Variants in COL19A1 observed in about 807,000 individuals in gnomAD.
COL19A1 encodes the protein collagen alpha-1(XIX) chain.
A neutral mutation model predicts 190.2 loss-of-function variants in COL19A1; 159 were observed. The observed-to-expected ratio is 0.84, with a 90% CI of 0.73 to 0.95. The LOEUF (loss-of-function observed/expected upper bound fraction) is 0.95. COL19A1 is among the 40% of genes least tolerant of loss of function. The pLI is 0.00. For synonymous variants in COL19A1, 509 were observed against 458.9 expected (o/e 1.11, Z -1.39); for missense variants, 1,418 against 1,431.9 (o/e 0.99, Z 0.16).
intron 15 of COL19A1, among the ~76,000 whole-genome samples, chr6:70,082,122 G>A (rs1278994932): frequency 6.6e-6 from 1 of 152,118 alleles, no homozygotes; most frequent in Non-Finnish European, 1.5e-5. Flanking sequence ...AAAAGAAGAT[G>A]CATATATAGG....
intron 16 of COL19A1, among the ~76,000 whole-genome samples, chr6:70,105,262 A>G (rs1310635158): frequency 6.6e-6 from 1 of 152,150 alleles, no homozygotes; most frequent in Admixed American, 6.6e-5. Flanking sequence ...GATTCAAGCA[A>G]TTCTCCAGCC....
intron 48 of COL19A1, among the ~76,000 whole-genome samples, chr6:70,197,991 T>G (rs1170330837): frequency 6.6e-6 from 1 of 152,254 alleles, no homozygotes. Context: ...TAAATGATTG[T>G]TTTAATTGAA....
intron 34 of COL19A1, among the ~76,000 whole-genome samples, chr6:70,160,917 A>C (rs1787755315): frequency 6.6e-6 from 1 of 152,162 alleles, no homozygotes; most frequent in Non-Finnish European, 1.5e-5. Context: ...CATGATTTTA[A>C]TAATTGCAAA....
rs199894963 is a variant in COL19A1 at position 70,162,003 on chromosome 6, G to C, written c.2346+50G>C. The C allele has an allele frequency of 2.1e-5, 31 of 1,495,754 alleles. No homozygotes were observed. The East Asian group carries it at 6.9e-4, about 33-fold the overall frequency. 92.7% of individuals were successfully genotyped at this position (1,495,754 alleles called of 1,614,324 possible). On this transcript the variant is annotated intron_variant, in intron 35 of 50. Coordinates refer to ENST00000620364, the MANE Select transcript of COL19A1 (RefSeq NM_001858.6). ...ACTCACAGCTTATATCTGCTGGTTT[G>C]ATGCAAGGTGAATTAATTTTCTTCA... is the stretch of plus-strand genomic sequence containing the variant.
chr6:69,995,758 C>T (rs1324084096), intron 11 of COL19A1, among the ~76,000 whole-genome samples: 1 of 151,888 alleles, frequency 6.6e-6, no homozygotes, highest in Non-Finnish European at 1.5e-5. Context: ...AAATATGAAC[C>T]AAGTTAAATG....
intron 16 of COL19A1, among the ~76,000 whole-genome samples, chr6:70,110,543 G>A (rs1273589728): frequency 6.6e-6 from 1 of 152,108 alleles, no homozygotes; most frequent in African/African-American, 2.4e-5. Context: ...TCCCTCATGG[G>A]GGTAATGGTC....
At position 70,031,669 on chromosome 6, in the gene COL19A1, G is replaced by A. The variant is rs80039519; in HGVS notation, c.1081-2576G>A. 2.4e-3 allele frequency among the ~76,000 whole-genome samples: 361 copies of A among 152,144 alleles called. 5 individuals carry two copies. The East Asian group carries it at 0.039, about 16-fold the overall frequency. ...TTTTCTTATGGCTTAATAGTACTCC[G>A]TTGTGTATATATAACACCTTTTCTT... On this transcript the variant is annotated intron_variant, in intron 12 of 50. Transcript: ENST00000620364.
intron 15 of COL19A1, among the ~76,000 whole-genome samples, chr6:70,090,199 A>G (rs550347434): frequency 2.0e-5 from 3 of 152,046 alleles, no homozygotes; most frequent in South Asian, 2.1e-4. Flanking sequence ...AGATTTGCAC[A>G]TGGAAATGGA....
intron 4 of COL19A1, among the ~76,000 whole-genome samples, chr6:69,901,921 G>A (rs935132784): frequency 3.9e-5 from 6 of 152,186 alleles, no homozygotes; most frequent in Non-Finnish European, 8.8e-5. Context: ...AACTTGCTGC[G>A]ACATTTAGAC....
intron 41 of COL19A1, among the ~76,000 whole-genome samples, chr6:70,174,732 A>G (rs960897323): frequency 2.6e-5 from 4 of 152,174 alleles, no homozygotes; most frequent in Non-Finnish European, 4.4e-5. Flanking sequence ...TGGTATACAC[A>G]AGGGAATGAT....
intron 42 of COL19A1, among the ~76,000 whole-genome samples, chr6:70,178,026 G>A (rs1478640927): frequency 6.6e-6 from 1 of 152,198 alleles, no homozygotes. Context: ...GGGCTAGCCT[G>A]CCACTTAGTT....
chr6:69,872,244 A>G (rs185436435), intron 1 of COL19A1, among the ~76,000 whole-genome samples: 1 of 152,266 alleles, frequency 6.6e-6, no homozygotes, highest in East Asian at 1.9e-4. Flanking sequence ...AGAGTGGTAC[A>G]ATGGACTTTC....
intron 11 of COL19A1, among the ~76,000 whole-genome samples, chr6:69,970,957 A>C (rs796471508): frequency 6.6e-5 from 10 of 152,332 alleles, no homozygotes; most frequent in African/African-American, 2.4e-4. Flanking sequence ...GGCAATTGGG[A>C]AAGAGTGATG....
intron 14 of COL19A1, among the ~76,000 whole-genome samples, chr6:70,050,558 A>AT (rs902894501): frequency 1.2e-4 from 19 of 152,170 alleles, no homozygotes; most frequent in African/African-American, 4.3e-4. Context: ...GGAAACAAAT[A>AT]TTTTTTACTG....
intron 9 of COL19A1, among the ~76,000 whole-genome samples, chr6:69,956,346 T>C (rs1309464926): frequency 2.0e-5 from 3 of 151,954 alleles, no homozygotes; most frequent in Admixed American, 2.0e-4. Flanking sequence ...CCAAAAAATA[T>C]AAAGAATTCA....
In COL19A1 at chr6:69,905,147, G is replaced by A. The variant is rs1770464856; in HGVS notation, c.266+4809G>A. On this transcript the variant is annotated intron_variant, in intron 4 of 50. Coordinates refer to ENST00000620364, the MANE Select transcript of COL19A1 (RefSeq NM_001858.6). ...GCCAAAGACCCACTCACCTTATCCT[G>A]CCAACTATGCCAATTGTCAGGTCCA... is the stretch of plus-strand genomic sequence containing the variant. 2.0e-5 allele frequency among the ~76,000 whole-genome samples: 3 copies of A among 152,070 alleles called. No individual in the cohort carries two copies. The South Asian group carries it at 6.2e-4, about 32-fold the overall frequency.
At chr6:69,909,754 C>T (rs1238973608) in intron 4 of COL19A1, among the ~76,000 whole-genome samples, 1 of 152,162 alleles carries the variant, frequency 6.6e-6, no homozygotes, top group Non-Finnish European at 1.5e-5. Context: ...TTTTGAAGAA[C>T]TGATATACGA....
intron 2 of COL19A1, 42 bp downstream of exon 2, chr6:69,879,700 A>T: frequency 1.3e-6 from 2 of 1,562,714 alleles, no homozygotes; most frequent in Non-Finnish European, 1.8e-6. Context: ...AATGTTATTT[A>T]TAGCCTTTAA....
intron 15 of COL19A1, among the ~76,000 whole-genome samples, chr6:70,080,408 T>C (rs1390224460): frequency 6.6e-6 from 1 of 152,226 alleles, no homozygotes; most frequent in Non-Finnish European, 1.5e-5. Context: ...TGCTAGGTTT[T>C]TCAAGCTGCT....
Sources: gnomAD v4.1 joint callset for allele counts (sites outside exome capture counted in the v4.1 genomes callset) on GRCh38, gnomAD v4.1.1 for gene constraint, MANE v1.5 for transcripts, NCBI Gene and HGNC (gene_info 2026-07-23, HGNC 2026-07-21) for gene names.